Variants in RSPO2 observed in about 807,000 individuals in gnomAD.
RSPO2 encodes the protein R-spondin 2.
A neutral mutation model predicts 30.9 loss-of-function variants in RSPO2; 14 were observed. That is an observed-to-expected ratio of 0.45 (90% CI 0.30 to 0.71). The LOEUF (loss-of-function observed/expected upper bound fraction) is 0.71, where lower values mean the gene tolerates loss of function less well. RSPO2 is among the 30% of genes least tolerant of loss of function. The pLI is 0.08. For missense variants in RSPO2, 264 were observed against 301.9 expected (o/e 0.87, Z 0.93); for synonymous variants, 107 against 96.4 (o/e 1.11, Z -0.64).
At chr8:108,082,520 G>A in intron 2 of RSPO2, 25 bp downstream of exon 2, 2 of 1,588,244 alleles carry the variant, frequency 1.3e-6, no homozygotes, top group Non-Finnish European at 1.7e-6. Flanking sequence ...AGCCCACCAC[G>A]CACCTTTGGC....
intron 2 of RSPO2, among the ~76,000 whole-genome samples, chr8:108,019,710 A>C (rs1343739240): frequency 6.6e-6 from 1 of 152,050 alleles, no homozygotes; most frequent in African/African-American, 2.4e-5. Flanking sequence ...AACACTAGTC[A>C]GTCTTAGAAA....
intron 2 of RSPO2, among the ~76,000 whole-genome samples, chr8:108,009,185 G>C (rs184807642): frequency 6.6e-6 from 1 of 152,138 alleles, no homozygotes; most frequent in African/African-American, 2.4e-5. Flanking sequence ...CCTAGAATTG[G>C]AATTATTGAA....
chr8:107,902,211 C>T (rs1400521200), intron 5 of RSPO2, among the ~76,000 whole-genome samples: 5 of 152,174 alleles, frequency 3.3e-5, no homozygotes, highest in African/African-American at 1.2e-4. Flanking sequence ...GTCACCCCTA[C>T]ACACCTTCAG....
intron 2 of RSPO2, among the ~76,000 whole-genome samples, chr8:108,027,247 C>A (rs2130625309): frequency 6.6e-6 from 1 of 152,310 alleles, no homozygotes; most frequent in Non-Finnish European, 1.5e-5. Context: ...TTGGGATTCT[C>A]AGTAGTTAGA....
At chr8:107,988,940 T>C in intron 3 of RSPO2, 116 bp downstream of exon 3, 1 of 962,296 alleles carries the variant, frequency 1.0e-6, no homozygotes, top group East Asian at 2.9e-5. Context: ...CTTAAACTAT[T>C]TCTATCACCT....
intron 5 of RSPO2, among the ~76,000 whole-genome samples, chr8:107,916,055 TG>T (rs1468256402): frequency 6.6e-6 from 1 of 152,058 alleles, no homozygotes; most frequent in Non-Finnish European, 1.5e-5. Context: ...CTATATCTTC[TG>T]TCTATTTATA....
intron 3 of RSPO2, among the ~76,000 whole-genome samples, chr8:107,970,903 C>A (rs1188721399): frequency 6.6e-6 from 1 of 152,118 alleles, no homozygotes; most frequent in Non-Finnish European, 1.5e-5. Context: ...GTCATGTATG[C>A]CCATCTAGTT....
chr8:107,960,213 T>A (rs1482299002), intron 4 of RSPO2, among the ~76,000 whole-genome samples: 1 of 152,116 alleles, frequency 6.6e-6, no homozygotes, highest in Non-Finnish European at 1.5e-5. Context: ...ATTTGTAACA[T>A]ATAATCAACA....
chr8:108,056,008 C>T (rs1318369254), intron 2 of RSPO2, among the ~76,000 whole-genome samples: 1 of 152,158 alleles, frequency 6.6e-6, no homozygotes, highest in Non-Finnish European at 1.5e-5. Context: ...ACCCTCTGGT[C>T]CCTCAGATTC....
chr8:107,977,035 A>G (rs572457065), intron 3 of RSPO2, among the ~76,000 whole-genome samples: 1 of 152,304 alleles, frequency 6.6e-6, no homozygotes, highest in Non-Finnish European at 1.5e-5. Context: ...AAGTTAGGGA[A>G]GGGGAGAGAC....
chr8:107,948,721 G>A (rs1274886040), intron 5 of RSPO2, among the ~76,000 whole-genome samples: 9 of 151,958 alleles, frequency 5.9e-5, no homozygotes, highest in East Asian at 3.9e-4. Flanking sequence ...TTAGCTGGGC[G>A]TGGTGGCGGG....
chr8:108,008,855 T>C (rs957212064), intron 2 of RSPO2, among the ~76,000 whole-genome samples: 9 of 151,174 alleles, frequency 6.0e-5, no homozygotes, highest in Admixed American at 2.6e-4. Context: ...AGAAAGTACA[T>C]AAACTAGAAA....
At chr8:108,063,760 G>T (rs368652071) in intron 2 of RSPO2, among the ~76,000 whole-genome samples, 1 of 151,614 alleles carries the variant, frequency 6.6e-6, no homozygotes, top group East Asian at 1.9e-4. Flanking sequence ...GAGGCATCAC[G>T]CTACCTGACT....
chr8:107,945,730 C>T (rs904520696), intron 5 of RSPO2, among the ~76,000 whole-genome samples: 3 of 152,116 alleles, frequency 2.0e-5, no homozygotes, highest in African/African-American at 7.2e-5. Flanking sequence ...TTGTCCCATA[C>T]TCCAGGTCTA....
intron 3 of RSPO2, among the ~76,000 whole-genome samples, chr8:107,985,135 T>C (rs1022574179): frequency 6.6e-6 from 1 of 152,144 alleles, no homozygotes; most frequent in African/African-American, 2.4e-5. Flanking sequence ...AAAAAGCATA[T>C]TAAGACAAAA....
At chr8:108,057,366 G>A (rs969958703) in intron 2 of RSPO2, among the ~76,000 whole-genome samples, 1 of 152,072 alleles carries the variant, frequency 6.6e-6, no homozygotes. Context: ...AAGGTTATTG[G>A]TAGTTGTATT....
At chr8:107,906,851 G>T (rs1054769221) in intron 5 of RSPO2, among the ~76,000 whole-genome samples, 1 of 151,878 alleles carries the variant, frequency 6.6e-6, no homozygotes, top group Non-Finnish European at 1.5e-5. Flanking sequence ...ATGTGATATG[G>T]TTAATCAAGC....
intron 2 of RSPO2, among the ~76,000 whole-genome samples, chr8:108,060,666 T>C (rs1441619991): frequency 3.3e-5 from 5 of 151,652 alleles, no homozygotes; most frequent in Non-Finnish European, 7.4e-5. Context: ...AACATTCAAA[T>C]TCAGGAAATA....
At position 107,960,665 on chromosome 8, in the gene RSPO2, A is replaced by G. The variant is rs770454057; in HGVS notation, c.427+9T>C. 1.2e-6 allele frequency: 2 copies of G among 1,603,766 alleles called. No homozygotes were observed. Among genetic ancestry groups the G allele is most frequent in the Admixed American group, 1.8e-5 (1 of 57,076 alleles). ...TTGCAGATTGAGAGTTACATTAAAA[A>G]CTACTCACCCACACATTCCATGGTT... is the stretch of plus-strand genomic sequence containing the variant. On this transcript the variant is annotated intron_variant, in intron 4 of 5. Transcript: ENST00000276659.
Sources: allele counts gnomAD v4.1 joint callset (sites outside exome capture counted in the v4.1 genomes callset), GRCh38; gene constraint gnomAD v4.1.1; transcripts MANE v1.5; gene names NCBI Gene and HGNC (gene_info 2026-07-23, HGNC 2026-07-21).